The following IL1RL2 variants were observed in gnomAD, a reference collection of about 807,000 sequenced individuals.
IL1RL2 encodes interleukin 1 receptor like 2.
In IL1RL2, 68 loss-of-function variants were observed where a neutral mutation model predicts 66.8. The observed-to-expected ratio is 1.02, with a 90% confidence interval of 0.84 to 1.25. The LOEUF (loss-of-function observed/expected upper bound fraction) is 1.25. Among genes scored for constraint, IL1RL2 ranks in the 50% most tolerant of loss-of-function variants. The pLI, the probability that IL1RL2 is intolerant of heterozygous loss-of-function variation, is 0.00. For synonymous variants in IL1RL2, 305 were observed against 264.6 expected (o/e 1.15, Z -1.48); for missense variants, 729 against 709.3 (o/e 1.03, Z -0.32).
chr2:102,235,898 A>T, intron 11 of IL1RL2: 2 of 985,446 alleles, frequency 2.0e-6, no homozygotes, highest in Non-Finnish European at 2.4e-6. Flanking sequence ...GGGAGTGGCC[A>T]TGACTGCCTC....
chr2:102,235,210 G>A lies in IL1RL2; in HGVS notation c.1611G>A (p.Pro537=), dbSNP rs141789680. Residue 537 remains proline (P), a synonymous_variant, in exon 11 of 12, where the codon CCG becomes CCA. Transcript: ENST00000264257. ...KFWKTVRYHM[P]PRRCRPFPPV... is the part of the protein sequence containing the mutation. ...GGAAGACAGTGAGATACCACATGCC[G>A]CCCAGAAGGTGTCGGCCGTTTCCTC... 199 of 1,614,170 alleles carry A rather than the reference G, an allele frequency of 1.2e-4. 2 individuals carry two copies. The South Asian group carries it at 1.7e-3, about 14-fold the overall frequency.
At position 102,199,837 on chromosome 2, in the gene IL1RL2, G is replaced by C. The variant is rs375006783; in HGVS notation, c.490-1719G>C. On this transcript the variant is annotated intron_variant, in intron 4 of 11. Coordinates refer to ENST00000264257, the MANE Select transcript of IL1RL2 (RefSeq NM_003854.4). ...TCCAGGGCAGCCTGTCCAGGGAAGA[G>C]GTTTATGAAATGTGAGGACTAGACA... 2.6e-5 allele frequency among the ~76,000 whole-genome samples: 4 copies of C among 152,136 alleles called. No individual in the cohort carries two copies. The East Asian group carries it at 5.8e-4, about 22-fold the overall frequency.
intron 10 of IL1RL2, 47 bp from the exon 11 acceptor site, chr2:102,234,850 G>C (rs977233665): frequency 6.6e-7 from 1 of 1,523,838 alleles, no homozygotes; most frequent in Admixed American, 1.8e-5. Context: ...TAAGACCCGG[G>C]CTGTTTTAAT....
At chr2:102,199,246 C>A (rs949647449) in intron 4 of IL1RL2, among the ~76,000 whole-genome samples, 21 of 152,300 alleles carry the variant, frequency 1.4e-4, no homozygotes, top group African/African-American at 4.3e-4. Flanking sequence ...ATCCTTTAAA[C>A]TACACAGCAA....
intron 1 of IL1RL2, 52 bp from the exon 2 acceptor site, chr2:102,187,804 G>T (rs1363733641): frequency 6.7e-7 from 1 of 1,495,224 alleles, no homozygotes; most frequent in Non-Finnish European, 9.3e-7. Context: ...CCGGCGCCTC[G>T]GGCCCGCCCT....
rs371703622 is a variant in IL1RL2, at chr2:102,235,237, G to C, written c.1638G>C (p.Pro546=). 6.8e-6 allele frequency: 11 copies of C among 1,613,934 alleles called. No homozygotes were observed. Among genetic ancestry groups the C allele is most frequent in the Non-Finnish European group, 7.6e-6 (9 of 1,180,046 alleles). The change falls in exon 11 of 12, where the codon CCG becomes CCC. Residue 546 remains proline (P), a synonymous_variant. Transcript: ENST00000264257. ...MPPRRCRPFP[P]VQLLQHTPCY... ...CCAGAAGGTGTCGGCCGTTTCCTCCGGTCCAGCTGCTGCAGCACACACCTT... is the reference window on the plus strand; with the variant it reads ...CCAGAAGGTGTCGGCCGTTTCCTCCCGTCCAGCTGCTGCAGCACACACCTT...
intron 4 of IL1RL2, 134 bp downstream of exon 4, chr2:102,192,254 C>T (rs998194825): frequency 2.9e-5 from 16 of 550,638 alleles, no homozygotes; most frequent in Non-Finnish European, 4.4e-5. Context: ...AGTTAGCTAG[C>T]AGTCATTGAT....
chr2:102,198,670 C>A (rs939054677), intron 4 of IL1RL2, among the ~76,000 whole-genome samples: 1 of 151,830 alleles, frequency 6.6e-6, no homozygotes, highest in Non-Finnish European at 1.5e-5. Context: ...TTATTTTTTT[C>A]TGGTGCTTCC....
intron 5 of IL1RL2, among the ~76,000 whole-genome samples, chr2:102,211,391 GAGTT>G (rs1689157022): frequency 6.6e-6 from 1 of 152,090 alleles, no homozygotes; most frequent in Non-Finnish European, 1.5e-5. Flanking sequence ...TAGGATGAAA[GAGTT>G]AGAATAATAG....
At chr2:102,239,123 A>G in intron 11 of IL1RL2, 69 bp from the exon 12 acceptor site, 1 of 1,409,496 alleles carries the variant, frequency 7.1e-7, no homozygotes, top group Non-Finnish European at 1.0e-6. Flanking sequence ...TTCCCATGGC[A>G]GGTTTCCTTA....
At chr2:102,224,139 C>A (rs1209469063) in intron 8 of IL1RL2, among the ~76,000 whole-genome samples, 1 of 152,138 alleles carries the variant, frequency 6.6e-6, no homozygotes, top group Admixed American at 6.5e-5. Context: ...ATTTTATAGC[C>A]ACTGTGGAAA....
Position 102,235,176 on chromosome 2 carries a change from C to T in IL1RL2, c.1577C>T (p.Thr526Ile), listed in dbSNP as rs1674758798. The change falls in exon 11 of 12, where the codon ACC (threonine) becomes ATC (isoleucine). Residue 526 changes from threonine to isoleucine, a missense_variant. Coordinates refer to ENST00000264257, the MANE Select transcript of IL1RL2 (RefSeq NM_003854.4). The stretch of plus-strand genomic sequence containing the variant: ...ACGGAGCAGTCACAGTGTATGAAGA[C>T]CAAGTTTTGGAAGACAGTGAGATAC... ...DFTEQSQCMK[T>I]KFWKTVRYHM... 1 of 1,614,062 alleles carries T rather than the reference C, an allele frequency of 6.2e-7. No individual in the cohort carries two copies. Among genetic ancestry groups the T allele is most frequent in the South Asian group, 1.1e-5 (1 of 91,090 alleles).
chr2:102,235,322 G>A lies in IL1RL2; in HGVS notation c.1678+45G>A, dbSNP rs1674785885. 5 of 1,582,188 alleles carry A rather than the reference G, an allele frequency of 3.2e-6. No individual in the cohort carries two copies. In the East Asian group the frequency reaches 1.1e-4, roughly 36 times the overall value. Reference sequence around the variant, plus strand: ...CGAGGTTTGTCACGCACTGATGGAGGGTCTATCATTGCGTGGTGGCTCACA... The same window carrying A: ...CGAGGTTTGTCACGCACTGATGGAGAGTCTATCATTGCGTGGTGGCTCACA... On this transcript the variant is annotated intron_variant, in intron 11 of 11. Coordinates refer to ENST00000264257, the MANE Select transcript of IL1RL2 (RefSeq NM_003854.4).
intron 9 of IL1RL2, among the ~76,000 whole-genome samples, chr2:102,227,256 A>G (rs1690702191): frequency 6.6e-6 from 1 of 152,092 alleles, no homozygotes; most frequent in Non-Finnish European, 1.5e-5. Context: ...GAGTGACAAG[A>G]GCAGGAAAGG....
intron 10 of IL1RL2, 61 bp from the exon 11 acceptor site, chr2:102,234,836 G>T: frequency 7.0e-7 from 1 of 1,433,490 alleles, no homozygotes; most frequent in Non-Finnish European, 9.6e-7. Context: ...ATTCTCACTA[G>T]CATTAAGACC....
chr2:102,200,546 A>G (rs1688169693), intron 4 of IL1RL2, among the ~76,000 whole-genome samples: 1 of 152,194 alleles, frequency 6.6e-6, no homozygotes, highest in Non-Finnish European at 1.5e-5. Flanking sequence ...ATTGCATCTT[A>G]GTCCTGCATG....
intron 4 of IL1RL2, among the ~76,000 whole-genome samples, chr2:102,197,315 G>A (rs1433562855): frequency 6.6e-6 from 1 of 152,162 alleles, no homozygotes; most frequent in Non-Finnish European, 1.5e-5. Context: ...ACGGAGGGCT[G>A]CAGAGTTGAG....
intron 4 of IL1RL2, among the ~76,000 whole-genome samples, chr2:102,197,623 C>A (rs547675709): frequency 1.6e-4 from 25 of 152,280 alleles, no homozygotes; most frequent in African/African-American, 6.0e-4. Flanking sequence ...GATGGAATTC[C>A]ATGTCTCCAG....
At chr2:102,188,997 C>A in intron 2 of IL1RL2, 79 bp from the exon 3 acceptor site, 1 of 1,002,668 alleles carries the variant, frequency 1.0e-6, no homozygotes, top group South Asian at 1.6e-5. Context: ...ATTGAAGAGG[C>A]ATTTAAAAAA....
Sources: gnomAD v4.1 joint callset for allele counts (sites outside exome capture counted in the v4.1 genomes callset) on GRCh38, gnomAD v4.1.1 for gene constraint, MANE v1.5 for transcripts, NCBI Gene and HGNC (gene_info 2026-07-23, HGNC 2026-07-21) for gene names.